Variants in CALN1 observed in about 807,000 individuals in gnomAD.
The protein encoded by CALN1 is calneuron 1, also known as calcium-binding protein 8.
A neutral mutation model predicts 30.6 loss-of-function variants in CALN1; 17 were observed. That is an observed-to-expected ratio of 0.56 (90% CI 0.38 to 0.83). CALN1 has a LOEUF of 0.83. Ranked by LOEUF, CALN1 falls within the 40% of genes least tolerant of loss-of-function variation. The pLI is 0.00. For missense variants in CALN1, 291 were observed against 354.9 expected (o/e 0.82, Z 1.45); for synonymous variants, 156 against 131.4 (o/e 1.19, Z -1.28).
chr7:71,930,936 T>C (rs1795518200), intron 5 of CALN1, among the ~76,000 whole-genome samples: 1 of 152,234 alleles, frequency 6.6e-6, no homozygotes. Flanking sequence ...TTTGGTACTT[T>C]TATAACACCG....
upstream of CALN1, among the ~76,000 whole-genome samples, chr7:72,412,870 A>G (rs1401824849): frequency 6.6e-6 from 1 of 152,218 alleles, no homozygotes; most frequent in Non-Finnish European, 1.5e-5. Context: ...GGAAGCACCC[A>G]GACCATGGAG....
intron 3 of CALN1, among the ~76,000 whole-genome samples, chr7:72,270,172 G>C (rs772245103): frequency 6.6e-6 from 1 of 151,840 alleles, no homozygotes; most frequent in Non-Finnish European, 1.5e-5. Flanking sequence ...ATGTTAAAAA[G>C]TAAGCCAGGC....
intron 3 of CALN1, among the ~76,000 whole-genome samples, chr7:72,203,231 T>C (rs535002196): frequency 4.6e-5 from 7 of 152,196 alleles, no homozygotes; most frequent in African/African-American, 1.7e-4. Context: ...AAATACCTAA[T>C]GCATGCGGGG....
At chr7:71,897,986 A>AG (rs1269753910) in intron 5 of CALN1, among the ~76,000 whole-genome samples, 1 of 120,560 alleles carries the variant, frequency 8.3e-6, no homozygotes, top group Non-Finnish European at 1.7e-5. Context: ...AAAAAAAAAA[A>AG]AAAAAAGAGA....
chr7:72,407,425 G>T (rs1806776133), intron 1 of CALN1, among the ~76,000 whole-genome samples: 1 of 152,174 alleles, frequency 6.6e-6, no homozygotes, highest in African/African-American at 2.4e-5. Context: ...ACAGGTGACT[G>T]GATCACGGGG....
intron 5 of CALN1, among the ~76,000 whole-genome samples, chr7:71,895,768 T>G (rs1202629522): frequency 6.6e-6 from 1 of 152,230 alleles, no homozygotes; most frequent in Non-Finnish European, 1.5e-5. Flanking sequence ...AGGCATGGAT[T>G]CCTTCCAGTC....
At chr7:72,163,842 C>T (rs1788318244) in intron 3 of CALN1, among the ~76,000 whole-genome samples, 1 of 152,010 alleles carries the variant, frequency 6.6e-6, no homozygotes, top group Non-Finnish European at 1.5e-5. Context: ...GGGAAGACAA[C>T]ATAAAAGAAG....
At chr7:71,823,897 T>C (rs960463958) in intron 5 of CALN1, among the ~76,000 whole-genome samples, 1 of 152,078 alleles carries the variant, frequency 6.6e-6, no homozygotes, top group Non-Finnish European at 1.5e-5. Flanking sequence ...AGAGAACTTG[T>C]GCAAAGGGAC....
chr7:72,270,922 T>A (rs953225654), intron 3 of CALN1, among the ~76,000 whole-genome samples: 1 of 152,184 alleles, frequency 6.6e-6, no homozygotes, highest in Non-Finnish European at 1.5e-5. Context: ...GTGAATGCTG[T>A]TGTCTAGGAA....
At chr7:71,863,287 G>C (rs1053752939) in intron 5 of CALN1, among the ~76,000 whole-genome samples, 1 of 151,794 alleles carries the variant, frequency 6.6e-6, no homozygotes, top group Non-Finnish European at 1.5e-5. Flanking sequence ...GCCAGGCACA[G>C]TGGCTCACAT....
chr7:72,259,511 G>A (rs908537377), intron 3 of CALN1, among the ~76,000 whole-genome samples: 2 of 152,100 alleles, frequency 1.3e-5, no homozygotes, highest in Non-Finnish European at 2.9e-5. Context: ...ATGAATTACA[G>A]TAGAGACAAT....
At chr7:72,158,295 A>C (rs1372857442) in intron 3 of CALN1, among the ~76,000 whole-genome samples, 1 of 152,222 alleles carries the variant, frequency 6.6e-6, no homozygotes, top group African/African-American at 2.4e-5. Flanking sequence ...TGGCAGCAGC[A>C]ATGTGGGGAG....
intron 5 of CALN1, among the ~76,000 whole-genome samples, chr7:71,948,997 G>A (rs1796550536): frequency 7.5e-6 from 1 of 133,948 alleles, no homozygotes; most frequent in East Asian, 2.3e-4. Flanking sequence ...GAGCTGTGAT[G>A]GCACCACTGC....
At chr7:72,314,372 T>TATACACATATATAC (rs1212952127) in intron 2 of CALN1, among the ~76,000 whole-genome samples, 2 of 65,204 alleles carry the variant, frequency 3.1e-5, no homozygotes, top group Non-Finnish European at 1.0e-4. Context: ...TATACATATA[T>TATACACATATATAC]ACACATATAT....
chr7:72,062,127 T>G (rs1434421534), intron 4 of CALN1, among the ~76,000 whole-genome samples: 1 of 152,138 alleles, frequency 6.6e-6, no homozygotes, highest in Non-Finnish European at 1.5e-5. Flanking sequence ...GCAGTCAAAA[T>G]GAAGACATTT....
chr7:72,183,503 T>C (rs192377385), intron 3 of CALN1, among the ~76,000 whole-genome samples: 9 of 152,276 alleles, frequency 5.9e-5, no homozygotes, highest in Non-Finnish European at 1.0e-4. Context: ...TTACAGGACT[T>C]GGTGACTGCT....
At chr7:71,866,508 T>TA (rs1366445557) in intron 5 of CALN1, among the ~76,000 whole-genome samples, 1 of 152,162 alleles carries the variant, frequency 6.6e-6, no homozygotes, top group Admixed American at 6.5e-5. Context: ...ATGTTATTGG[T>TA]AAAAAACATA....
intron 3 of CALN1, among the ~76,000 whole-genome samples, chr7:72,221,560 C>T (rs987690340): frequency 4.6e-5 from 7 of 152,070 alleles, no homozygotes; most frequent in African/African-American, 1.7e-4. Flanking sequence ...TAGTTCACTA[C>T]ATAACTACTT....
chr7:72,457,757 C>CTT, the CALN1 span, among the ~76,000 whole-genome samples: 384 of 135,712 alleles, frequency 2.8e-3, 6 homozygotes, highest in Middle Eastern at 0.011. Context: ...CCTTCTTATT[C>CTT]TTTTTTTTTT....
Sources: allele counts gnomAD v4.1 joint callset (sites outside exome capture counted in the v4.1 genomes callset), GRCh38; gene constraint gnomAD v4.1.1; transcripts MANE v1.5; gene names NCBI Gene and HGNC (gene_info 2026-07-23, HGNC 2026-07-21).